Variants in MIGA1 observed in about 807,000 individuals in gnomAD.
MIGA1 encodes the protein mitoguardin 1.
In MIGA1, 58 loss-of-function variants were observed where a neutral mutation model predicts 82.0. The observed-to-expected ratio is 0.71, with a 90% CI of 0.57 to 0.88. MIGA1 has a LOEUF of 0.88. Ranked by LOEUF, MIGA1 falls within the 40% of genes least tolerant of loss-of-function variation. MIGA1 has a pLI of 0.00. For missense variants in MIGA1, 751 were observed against 749.1 expected, an observed-to-expected ratio of 1.00 and a Z score of -0.03; for synonymous variants, 249 against 253.6, an observed-to-expected ratio of 0.98 and a Z score of 0.17.
intron 1 of MIGA1, 63 bp from the exon 2 acceptor site, chr1:77,783,175 T>G: frequency 8.7e-7 from 1 of 1,154,862 alleles, no homozygotes; most frequent in Non-Finnish European, 1.3e-6. Flanking sequence ...AGTTTGTACC[T>G]TTCATTGGTA....
chr1:77,818,792 G>A (rs1242639324), intron 7 of MIGA1, among the ~76,000 whole-genome samples: 1 of 151,998 alleles, frequency 6.6e-6, no homozygotes, highest in African/African-American at 2.4e-5. Context: ...AAATTAGCAG[G>A]GTGTTGGCTG....
chr1:77,819,849 C>T (rs6604875), intron 7 of MIGA1, among the ~76,000 whole-genome samples: 152,169 of 152,172 alleles, frequency 1, 76,083 homozygotes, highest in Non-Finnish European at 1. Flanking sequence ...TCCATACTGC[C>T]TGGATTACAG....
In MIGA1 at chr1:77,815,133, A is replaced by G; in HGVS notation, c.797A>G (p.His266Arg). The G allele has an allele frequency of 2.5e-6, 4 of 1,597,894 alleles. No individual in the cohort carries two copies. The South Asian group carries it at 3.4e-5, about 14-fold the overall frequency. Residue 266 changes from histidine (H) to arginine (R), a missense_variant, in exon 7 of 16, where the codon CAT becomes CGT. Physicochemically the swap from His to Arg is conservative, Grantham distance 29. Coordinates refer to ENST00000370791, the MANE Select transcript of MIGA1 (RefSeq NM_198549.4). ...GATATTATTAGTACTGAATTTATCC[A>G]TAAACTCGAAGCTCTGCTGCAAAGA...
intron 2 of MIGA1, among the ~76,000 whole-genome samples, chr1:77,791,262 A>C (rs1166587): frequency 0.24 from 35,102 of 148,584 alleles, 4,323 homozygotes; most frequent in South Asian, 0.34. Flanking sequence ...AAAAAAAAAA[A>C]AAACAAAAAA....
chr1:77,824,983 CTTTTT>C (rs11375207), intron 7 of MIGA1, among the ~76,000 whole-genome samples: 1 of 103,146 alleles, frequency 9.7e-6, no homozygotes, highest in South Asian at 3.7e-4. Flanking sequence ...TTCTATTCCT[CTTTTT>C]TTTTTTTTTT....
Position 77,860,837 on chromosome 1 carries a change from G to A in MIGA1, c.1276-387G>A, listed in dbSNP as rs903233699. The A allele has an allele frequency of 2.2e-5, 4 of 180,590 alleles. No homozygotes were observed. In the South Asian group the frequency reaches 5.3e-4, roughly 24 times the overall value. The allele number at this position is 180,590 out of a possible 1,614,324, so 11.2% of individuals were successfully genotyped here. On this transcript the variant is annotated intron_variant, in intron 11 of 15. Transcript: ENST00000370791. ...TTAATACATGCAATTCCCAATGTAA[G>A]TCTTGTGTTGCTTTCTTGGCCTTCT...
In MIGA1 at chr1:77,807,121, A is replaced by AT. The variant is rs375352889; in HGVS notation, c.637+24dup. ...TAATGGGTAGGAATGAGATGATAACATTTTAAGATACTGTGCTCACATTTA... is the reference window on the plus strand; with the variant it reads ...TAATGGGTAGGAATGAGATGATAACATTTTTAAGATACTGTGCTCACATTTA... On this transcript the variant is annotated intron_variant, in intron 5 of 15. Transcript: ENST00000370791. The AT allele has an allele frequency of 4.5e-6, 7 of 1,540,274 alleles. No individual in the cohort carries two copies. The highest frequency in any genetic ancestry group is 4.1e-5 in the African/African-American group (3 of 72,592).
intron 14 of MIGA1, among the ~76,000 whole-genome samples, chr1:77,872,593 C>T (rs1241814599): frequency 6.6e-6 from 1 of 151,946 alleles, no homozygotes; most frequent in African/African-American, 2.4e-5. Flanking sequence ...AGAGTGAGAC[C>T]CTGTCTCAAA....
intron 2 of MIGA1, among the ~76,000 whole-genome samples, chr1:77,787,920 A>G (rs1360157667): frequency 2.0e-5 from 3 of 149,362 alleles, no homozygotes; most frequent in African/African-American, 4.9e-5. Flanking sequence ...GGTTCAAGCA[A>G]TTCTCCTGCC....
chr1:77,851,374 C>G (rs1052892081), intron 8 of MIGA1, among the ~76,000 whole-genome samples: 1 of 151,910 alleles, frequency 6.6e-6, no homozygotes, highest in African/African-American at 2.4e-5. Flanking sequence ...AAAAAAGACC[C>G]CCTTTTAATA....
At chr1:77,853,893 CTTATT>C (rs1685149457) in intron 8 of MIGA1, 1 of 256,424 alleles carries the variant, frequency 3.9e-6, no homozygotes, top group Admixed American at 4.0e-5. Context: ...AGGATTATCT[CTTATT>C]TTATTTTTCC....
intron 7 of MIGA1, among the ~76,000 whole-genome samples, chr1:77,839,014 G>A (rs1410037536): frequency 1.3e-5 from 2 of 151,932 alleles, no homozygotes; most frequent in African/African-American, 4.8e-5. Flanking sequence ...TCCAGTTTGG[G>A]GCTATTATAA....
chr1:77,847,641 G>C, intron 8 of MIGA1: 5 of 1,560,584 alleles, frequency 3.2e-6, no homozygotes, highest in Admixed American at 1.7e-5. Flanking sequence ...TGCGCTGGAA[G>C]CGTGTTTGGA....
chr1:77,853,102 G>C (rs894744025), intron 8 of MIGA1, among the ~76,000 whole-genome samples: 8 of 152,158 alleles, frequency 5.3e-5, no homozygotes, highest in African/African-American at 1.7e-4. Flanking sequence ...AAAGCCTTGA[G>C]AGTTACTTCT....
At chr1:77,800,281 C>G (rs992549714) in intron 2 of MIGA1, among the ~76,000 whole-genome samples, 16 of 152,184 alleles carry the variant, frequency 1.1e-4, no homozygotes, top group African/African-American at 3.1e-4. Context: ...TCCAGCCTCT[C>G]AACAGTGTAT....
At chr1:77,861,484 T>C (rs1456523523) in intron 12 of MIGA1, 162 bp downstream of exon 12, 1 of 550,236 alleles carries the variant, frequency 1.8e-6, no homozygotes, top group Non-Finnish European at 3.2e-6. Context: ...TCCTTGTACG[T>C]TGGGGCAGTA....
chr1:77,865,081 G>C (rs1685612395), intron 13 of MIGA1, among the ~76,000 whole-genome samples: 1 of 151,180 alleles, frequency 6.6e-6, no homozygotes, highest in South Asian at 2.1e-4. Context: ...AACTGATTTG[G>C]TAAAGTGACC....
intron 14 of MIGA1, among the ~76,000 whole-genome samples, chr1:77,870,952 G>A (rs12128056): frequency 0.069 from 10,446 of 151,272 alleles, 471 homozygotes; most frequent in Middle Eastern, 0.12. Flanking sequence ...CAGGCGTGGC[G>A]GTGCGCGCCT....
chr1:77,818,249 G>A (rs1287329224), intron 7 of MIGA1, among the ~76,000 whole-genome samples: 3 of 151,628 alleles, frequency 2.0e-5, no homozygotes, highest in Non-Finnish European at 4.4e-5. Flanking sequence ...TCAGCCTCCT[G>A]AGTAGCTGGG....
Sources: allele counts gnomAD v4.1 joint callset (sites outside exome capture counted in the v4.1 genomes callset), GRCh38; gene constraint gnomAD v4.1.1; transcripts MANE v1.5; gene names NCBI Gene and HGNC (gene_info 2026-07-23, HGNC 2026-07-21).